Variants in NPSR1 observed in about 807,000 individuals in gnomAD.
The protein encoded by NPSR1 is neuropeptide S receptor 1, also known as neuropeptide S receptor.
Under a neutral mutation model 46.9 loss-of-function variants are expected in NPSR1, and 48 were observed. The ratio of observed to expected loss-of-function variants is 1.02; its 90% CI spans 0.81 to 1.30. The LOEUF (loss-of-function observed/expected upper bound fraction) is 1.30. Ranked by LOEUF, NPSR1 falls within the 50% of genes most tolerant of loss-of-function variation. The probability of loss-of-function intolerance (pLI) is 0.00; values close to 1 mark genes in which losing one functional copy is unlikely to be tolerated. For missense variants in NPSR1, 450 were observed against 449.5 expected (o/e 1.00, Z -0.01); for synonymous variants, 176 against 168.1 (o/e 1.05, Z -0.36).
chr7:34,730,086 T>G (rs1784351986), intron 2 of NPSR1, among the ~76,000 whole-genome samples: 1 of 152,240 alleles, frequency 6.6e-6, no homozygotes, highest in Admixed American at 6.5e-5. Context: ...GAATAAATTT[T>G]AAAAGAATTG....
intron 2 of NPSR1, among the ~76,000 whole-genome samples, chr7:34,773,824 G>C (rs921815045): frequency 6.6e-6 from 1 of 152,190 alleles, no homozygotes; most frequent in African/African-American, 2.4e-5. Flanking sequence ...AATGTCAACT[G>C]GACAAGTTAT....
At chr7:34,818,532 T>C (rs1238944782) in intron 4 of NPSR1, among the ~76,000 whole-genome samples, 2 of 152,186 alleles carry the variant, frequency 1.3e-5, no homozygotes, top group Admixed American at 1.3e-4. Flanking sequence ...CCCATCAAGC[T>C]ACCAATGACT....
chr7:34,679,683 G>C (rs1029650465), intron 1 of NPSR1, among the ~76,000 whole-genome samples: 5 of 151,912 alleles, frequency 3.3e-5, no homozygotes, highest in African/African-American at 1.2e-4. Flanking sequence ...GATAAGTGAG[G>C]ACTTACTGTA....
chr7:34,829,098 T>A (rs1023512502), intron 5 of NPSR1, among the ~76,000 whole-genome samples: 2 of 152,238 alleles, frequency 1.3e-5, no homozygotes, highest in African/African-American at 4.8e-5. Flanking sequence ...TATTCATCTT[T>A]AGTCTAATAA....
intron 8 of NPSR1, among the ~76,000 whole-genome samples, chr7:34,860,924 C>T (rs530045929): frequency 6.6e-6 from 1 of 152,028 alleles, no homozygotes; most frequent in South Asian, 2.1e-4. Context: ...CAGTGTGCTC[C>T]TTTCTTTGCC....
downstream of NPSR1, among the ~76,000 whole-genome samples, chr7:34,853,584 A>T (rs1790985856): frequency 6.6e-6 from 1 of 152,230 alleles, no homozygotes; most frequent in Non-Finnish European, 1.5e-5. Context: ...GTTAAAGTGG[A>T]TGGAGTCTTA....
chr7:34,665,161 T>C (rs1791672798), intron 1 of NPSR1, among the ~76,000 whole-genome samples: 1 of 152,340 alleles, frequency 6.6e-6, no homozygotes, highest in Admixed American at 6.5e-5. Context: ...GATTTTGGTC[T>C]GGATAGGTTA....
intron 1 of NPSR1, among the ~76,000 whole-genome samples, chr7:34,677,649 G>C (rs1364467259): frequency 6.6e-6 from 1 of 152,154 alleles, no homozygotes; most frequent in African/African-American, 2.4e-5. Context: ...GACATTCTGA[G>C]GGAGGGGCCA....
intron 8 of NPSR1, among the ~76,000 whole-genome samples, chr7:34,874,592 G>T (rs1203751364): frequency 3.3e-5 from 5 of 152,218 alleles, no homozygotes; most frequent in Non-Finnish European, 5.9e-5. Context: ...GTTAAACCGT[G>T]AGACCATCTT....
intron 2 of NPSR1, among the ~76,000 whole-genome samples, chr7:34,776,201 A>T (rs1786950199): frequency 6.6e-6 from 1 of 152,104 alleles, no homozygotes; most frequent in Non-Finnish European, 1.5e-5. Flanking sequence ...AATAATGTGT[A>T]TTCTACAGCT....
chr7:34,723,383 C>A (rs1783965797), intron 2 of NPSR1: 1 of 152,608 alleles, frequency 6.6e-6, no homozygotes, highest in Admixed American at 6.5e-5. Context: ...TACCATCTAA[C>A]AGATTGGAGC....
chr7:34,780,919 G>C (rs35116719), intron 3 of NPSR1, among the ~76,000 whole-genome samples: 11,246 of 152,170 alleles, frequency 0.074, 504 homozygotes, highest in East Asian at 0.12. Flanking sequence ...GATTAACTTT[G>C]CTTATGACAA....
At chr7:34,798,289 C>A (rs1041801441) in intron 3 of NPSR1, among the ~76,000 whole-genome samples, 22 of 152,146 alleles carry the variant, frequency 1.4e-4, no homozygotes, top group African/African-American at 5.3e-4. Context: ...AATCCCAGAA[C>A]TTTGGGAGGC....
intron 2 of NPSR1, among the ~76,000 whole-genome samples, chr7:34,749,864 C>G (rs1262608152): frequency 2.6e-5 from 4 of 152,180 alleles, no homozygotes; most frequent in African/African-American, 9.7e-5. Context: ...TAAGATGACT[C>G]TTTCTGTGTT....
chr7:34,811,518 T>C (rs1227190873), intron 3 of NPSR1, among the ~76,000 whole-genome samples: 3 of 152,142 alleles, frequency 2.0e-5, no homozygotes, highest in Non-Finnish European at 4.4e-5. Flanking sequence ...AAAACAGGAA[T>C]ACCTGTTCTC....
chr7:34,693,296 G>A (rs34487005), intron 2 of NPSR1, among the ~76,000 whole-genome samples: 1 of 150,580 alleles, frequency 6.6e-6, no homozygotes, highest in African/African-American at 2.5e-5. Context: ...TGTGAGAATG[G>A]ACTAATGCAG....
chr7:34,796,722 T>A (rs1464555207), intron 3 of NPSR1, among the ~76,000 whole-genome samples: 1 of 152,194 alleles, frequency 6.6e-6, no homozygotes, highest in African/African-American at 2.4e-5. Flanking sequence ...CGTTCACTCA[T>A]TGCTAGTGGG....
chr7:34,843,887 G>A (rs558434242), intron 6 of NPSR1, among the ~76,000 whole-genome samples: 4 of 152,354 alleles, frequency 2.6e-5, no homozygotes, highest in Non-Finnish European at 5.9e-5. Context: ...CCACCACTAG[G>A]GTTGTGCCCA....
intron 6 of NPSR1, 70 bp from the exon 7 acceptor site, chr7:34,844,826 C>G: frequency 1.0e-6 from 1 of 960,178 alleles, no homozygotes; most frequent in South Asian, 1.3e-5. Context: ...CTTTAATGTT[C>G]CTATTGGCTG....
Sources: gnomAD v4.1 joint callset for allele counts (sites outside exome capture counted in the v4.1 genomes callset) on GRCh38, gnomAD v4.1.1 for gene constraint, MANE v1.5 for transcripts, NCBI Gene and HGNC (gene_info 2026-07-23, HGNC 2026-07-21) for gene names.